Variants in DTNB observed in about 807,000 individuals in gnomAD.
DTNB encodes dystrobrevin beta, also known as DTN-B.
Under a neutral mutation model 90.7 loss-of-function variants are expected in DTNB, and 63 were observed. The observed-to-expected ratio is 0.69, with a 90% CI of 0.57 to 0.86. The LOEUF (loss-of-function observed/expected upper bound fraction) is 0.86, where lower values mean the gene tolerates loss of function less well. Ranked by LOEUF, DTNB falls within the 40% of genes least tolerant of loss-of-function variation. The probability of loss-of-function intolerance (pLI) is 0.00; values close to 1 mark genes in which losing one functional copy is unlikely to be tolerated. For missense variants in DTNB, 744 were observed against 807.1 expected, an observed-to-expected ratio of 0.92 and a Z score of 0.95; for synonymous variants, 277 against 286.7, an observed-to-expected ratio of 0.97 and a Z score of 0.34.
chr2:25,554,536 C>A (rs550727861), intron 8 of DTNB, among the ~76,000 whole-genome samples: 1 of 152,210 alleles, frequency 6.6e-6, no homozygotes, highest in East Asian at 1.9e-4. Context: ...ACTGAAAATG[C>A]ACACTCCTCT....
intron 4 of DTNB, among the ~76,000 whole-genome samples, chr2:25,620,880 G>A (rs1396483871): frequency 6.6e-6 from 1 of 152,078 alleles, no homozygotes; most frequent in African/African-American, 2.4e-5. Flanking sequence ...AAAGAAAATA[G>A]CCAGGCATGA....
Position 25,442,280 on chromosome 2 carries a change from T to G in DTNB, c.1258-8285A>C, listed in dbSNP as rs940985514. 2.0e-5 allele frequency among the ~76,000 whole-genome samples: 3 copies of G among 152,224 alleles called. 1 individual carries two copies. The highest frequency in any genetic ancestry group is 7.2e-5 in the African/African-American group (3 of 41,460). ...GCACTCTATCCAAAACTAATGGTTT[T>G]CAACTAAGGGTCACATCTAACATGG... On this transcript the variant is annotated intron_variant, in intron 12 of 20. Transcript: ENST00000406818.
chr2:25,561,117 T>C (rs1470537173), intron 8 of DTNB, among the ~76,000 whole-genome samples: 1 of 152,184 alleles, frequency 6.6e-6, no homozygotes, highest in Non-Finnish European at 1.5e-5. Flanking sequence ...GAAAAATACT[T>C]CAACCCACTG....
At chr2:25,640,274 T>A (rs1156309709) in intron 2 of DTNB, among the ~76,000 whole-genome samples, 1 of 152,190 alleles carries the variant, frequency 6.6e-6, no homozygotes, top group Non-Finnish European at 1.5e-5. Flanking sequence ...ATCCTTCCTT[T>A]ATAAAATTTG....
chr2:25,427,600 A>T lies in DTNB; in HGVS notation c.1489T>A (p.Ser497Thr). The T allele has an allele frequency of 1.2e-6, 2 of 1,613,694 alleles. No homozygotes were observed. Among genetic ancestry groups the T allele is most frequent in the Non-Finnish European group, 1.7e-6 (2 of 1,179,844 alleles). ...TCCCGCCTGCTCTCCTGCAGGGCCG[A>T]CATCCTCTGCTCCAGTTCATCCTTC... ...QRKDELEQRM[S>T]ALQESRRELM... Residue 497 changes from serine (S) to threonine (T), a missense_variant, in exon 15 of 21, where the codon TCG (serine) becomes ACG (threonine). Coordinates refer to ENST00000406818, the MANE Select transcript of DTNB (RefSeq NM_021907.5).
intron 9 of DTNB, among the ~76,000 whole-genome samples, chr2:25,524,349 T>C (rs1400198335): frequency 3.4e-5 from 5 of 148,146 alleles, no homozygotes; most frequent in Non-Finnish European, 5.9e-5. Flanking sequence ...TCAAACTAAA[T>C]AGGATTAACT....
At chr2:25,600,923 A>T (rs2065742855) in intron 5 of DTNB, among the ~76,000 whole-genome samples, 1 of 152,242 alleles carries the variant, frequency 6.6e-6, no homozygotes, top group Non-Finnish European at 1.5e-5. Flanking sequence ...CCTATATTAC[A>T]ATAAGAGAAG....
chr2:25,645,370 AG>A (rs1243176646), intron 2 of DTNB, among the ~76,000 whole-genome samples: 1 of 149,832 alleles, frequency 6.7e-6, no homozygotes, highest in Non-Finnish European at 1.5e-5. Flanking sequence ...AAAAAAAAAA[AG>A]AAAAAAAAAG....
intron 12 of DTNB, among the ~76,000 whole-genome samples, chr2:25,450,222 G>A (rs2059070894): frequency 6.6e-6 from 1 of 152,138 alleles, no homozygotes; most frequent in Non-Finnish European, 1.5e-5. Context: ...TTATTTGTAT[G>A]GTATGAGGCA....
At chr2:25,661,048 T>C (rs768459310) in intron 1 of DTNB, among the ~76,000 whole-genome samples, 9 of 152,244 alleles carry the variant, frequency 5.9e-5, no homozygotes, top group Non-Finnish European at 1.2e-4. Context: ...TGATCACTAA[T>C]GAAGGTACCC....
intron 1 of DTNB, among the ~76,000 whole-genome samples, chr2:25,654,943 G>C (rs1023577428): frequency 1.2e-4 from 18 of 152,174 alleles, no homozygotes; most frequent in African/African-American, 4.3e-4. Flanking sequence ...CTAAGTGTTA[G>C]AATGGACCAG....
chr2:25,381,060 G>C (rs1161282675), intron 19 of DTNB, among the ~76,000 whole-genome samples: 2 of 152,246 alleles, frequency 1.3e-5, no homozygotes, highest in South Asian at 4.1e-4. Context: ...GGAGTGAAAA[G>C]GACTGAGGAG....
At chr2:25,431,306 A>G (rs2053776910) in intron 14 of DTNB, among the ~76,000 whole-genome samples, 1 of 152,016 alleles carries the variant, frequency 6.6e-6, no homozygotes, top group East Asian at 1.9e-4. Context: ...GGTTCAAGCA[A>G]TTCTCCTGCC....
At chr2:25,527,340 T>G (rs1020431433) in intron 9 of DTNB, among the ~76,000 whole-genome samples, 5 of 152,096 alleles carry the variant, frequency 3.3e-5, no homozygotes, top group African/African-American at 1.2e-4. Context: ...CTGGCCAACA[T>G]GGTGAAACCC....
At chr2:25,408,833 G>A (rs2045927163) in intron 16 of DTNB, among the ~76,000 whole-genome samples, 1 of 152,154 alleles carries the variant, frequency 6.6e-6, no homozygotes, top group Admixed American at 6.5e-5. Flanking sequence ...ACCAACCTGA[G>A]GGTCAGCTAT....
At chr2:25,384,683 G>A (rs1369154000) in intron 18 of DTNB, among the ~76,000 whole-genome samples, 1 of 152,166 alleles carries the variant, frequency 6.6e-6, no homozygotes, top group Non-Finnish European at 1.5e-5. Context: ...GAGGGACTGA[G>A]CTTATCCTGG....
chr2:25,407,091 T>C (rs2045385351), intron 16 of DTNB, among the ~76,000 whole-genome samples: 1 of 152,134 alleles, frequency 6.6e-6, no homozygotes, highest in Non-Finnish European at 1.5e-5. Flanking sequence ...ATCCTTATTA[T>C]AATAAAAGTG....
intron 10 of DTNB, among the ~76,000 whole-genome samples, chr2:25,469,387 G>A (rs1038826540): frequency 1.3e-4 from 20 of 152,292 alleles, no homozygotes; most frequent in African/African-American, 4.8e-4. Context: ...TGGAAAATGA[G>A]GCTGGGGAGA....
chr2:25,419,601 C>G, intron 15 of DTNB, 66 bp from the exon 16 acceptor site: 1 of 1,522,556 alleles, frequency 6.6e-7, no homozygotes, highest in Non-Finnish European at 8.9e-7. Context: ...CCCATTAATG[C>G]CCATCACCAC....
Sources: allele counts gnomAD v4.1 joint callset (sites outside exome capture counted in the v4.1 genomes callset), GRCh38; gene constraint gnomAD v4.1.1; transcripts MANE v1.5; gene names NCBI Gene and HGNC (gene_info 2026-07-23, HGNC 2026-07-21).